Variants in LILRA5 observed in about 807,000 individuals in gnomAD.
The protein encoded by LILRA5 is leukocyte immunoglobulin-like receptor subfamily A member 5.
A neutral mutation model predicts 36.3 loss-of-function variants in LILRA5; 31 were observed. The observed-to-expected ratio is 0.85, with a 90% CI of 0.64 to 1.15. The LOEUF is 1.15. Among genes scored for constraint, LILRA5 ranks in the 50% most tolerant of loss-of-function variants. LILRA5 has a pLI of 0.00. For missense variants in LILRA5, 348 were observed against 377.4 expected (o/e 0.92, Z 0.64); for synonymous variants, 144 against 144.8 (o/e 0.99, Z 0.04).
chr19:54,307,527 T>C lies in LILRA5; in HGVS notation c.786A>G (p.Ala262=). The change falls in exon 7 of 7, where the codon GCA becomes GCG. Residue 262 remains alanine, a synonymous_variant. Transcript: ENST00000432233. ...SGTASHLQDY[A]VENLIRMGMA... Reference sequence around the variant, plus strand: ...TGCCCATGCGGATGAGATTCTCTACTGCGTAATCCTGAAGGTGTGAGGCTG... The same window carrying C: ...TGCCCATGCGGATGAGATTCTCTACCGCGTAATCCTGAAGGTGTGAGGCTG... 1 of 1,613,946 alleles carries C rather than the reference T, an allele frequency of 6.2e-7. No individual in the cohort carries two copies. The highest frequency in any genetic ancestry group is 8.5e-7 in the Non-Finnish European group (1 of 1,179,912).
At position 54,313,126 on chromosome 19, in the gene LILRA5, A is replaced by C. The variant is rs989295155; in HGVS notation, c.-107T>G. 1.6e-6 allele frequency: 2 copies of C among 1,270,054 alleles called. No homozygotes were observed. Among genetic ancestry groups the C allele is most frequent in the Admixed American group, 1.7e-5 (1 of 57,634 alleles). The allele number at this position is 1,270,054 out of a possible 1,614,324, so 78.7% of individuals were successfully genotyped here. ...CATCTGACACCTGGCTGTGTAGCCC[A>C]GGCTGAGCTGCATGTGGCAATGAGC... On this transcript the variant is annotated 5_prime_UTR_variant, in exon 1 of 7. Transcript: ENST00000432233.
rs150394735 is a variant in LILRA5 at position 54,308,904 on chromosome 19, A to T, written c.713-1156T>A. 1.8e-4 allele frequency: 27 copies of T among 152,348 alleles called. 1 individual carries two copies. In the East Asian group the frequency reaches 5.2e-3, roughly 29 times the overall value. The allele number at this position is 152,348 out of a possible 1,614,324, so 9.4% of individuals were successfully genotyped here. On this transcript the variant is annotated intron_variant, in intron 5 of 6. Coordinates refer to ENST00000432233, the MANE Select transcript of LILRA5 (RefSeq NM_021250.4). Reference sequence around the variant, plus strand: ...AGATGTAACTTATATAACCATACATAAATATGTATATATGTAAAACTTTAG... The same window carrying T: ...AGATGTAACTTATATAACCATACATTAATATGTATATATGTAAAACTTTAG...
chr19:54,307,242 CAAAAAAAAAAAA>C lies in LILRA5; in HGVS notation c.*159_*170del. ...CTGGTGACAGAGCAAGACTCCATCT[CAAAAAAAAAAAA>C]AAAAAAAAAAAAGAAAGAAAAGAAA... On this transcript the variant is annotated 3_prime_UTR_variant, in exon 7 of 7. Coordinates refer to ENST00000432233, the MANE Select transcript of LILRA5 (RefSeq NM_021250.4). 2 of 111,330 alleles carry C rather than the reference CAAAAAAAAAAAA, an allele frequency of 1.8e-5. No individual in the cohort carries two copies. The highest frequency in any genetic ancestry group is 2.0e-4 in the South Asian group (1 of 5,030). The allele number at this position is 111,330 out of a possible 1,614,324, so 6.9% of individuals were successfully genotyped here. A position where few individuals can be genotyped will look rare whatever the true frequency, so the allele number is the denominator to read the frequency against.
At chr19:54,312,311 T>C (rs1216902554) in intron 3 of LILRA5, 24 bp downstream of exon 3, 1 of 1,614,182 alleles carries the variant, frequency 6.2e-7, no homozygotes. Flanking sequence ...AGGAGGGACC[T>C]GGGACAGCTG....
intron 1 of LILRA5, 161 bp from the exon 2 acceptor site, chr19:54,312,782 C>CG: frequency 2.5e-6 from 2 of 807,076 alleles, no homozygotes; most frequent in Non-Finnish European, 4.0e-6. Flanking sequence ...AGACTACAGG[C>CG]ACCAGGCTCT....
intron 4 of LILRA5, 50 bp downstream of exon 4, chr19:54,311,814 C>G (rs560859223): frequency 7.3e-5 from 118 of 1,613,470 alleles, no homozygotes; most frequent in Admixed American, 1.8e-4. Context: ...AGAGCCGACC[C>G]CCTTCCTGAG....
In LILRA5 at chr19:54,311,972, A is replaced by G. The variant is rs761003341; in HGVS notation, c.301T>C (p.Phe101Leu). ...TGCTCTGTCATGGATGGGATGGAGA[A>G]TCTGGCCTTGTTCTTGGGCTCCAGT... Reference protein sequence around the residue: ...NPLEPKNKARFSIPSMTEHHA... With the variant: ...NPLEPKNKARLSIPSMTEHHA... Residue 101 changes from phenylalanine to leucine, a missense_variant, in exon 4 of 7, where the codon TTC becomes CTC. Phe to Leu is a conservative substitution (Grantham distance 22, BLOSUM62 0). Transcript: ENST00000432233. The G allele has an allele frequency of 4.3e-6, 7 of 1,614,026 alleles. No individual in the cohort carries two copies. Among genetic ancestry groups the G allele is most frequent in the African/African-American group, 4.0e-5 (3 of 74,922 alleles).
chr19:54,310,009 A>G, intron 5 of LILRA5: 1 of 309,612 alleles, frequency 3.2e-6, no homozygotes, highest in Non-Finnish European at 6.4e-6. Context: ...GCTTCTCTCT[A>G]AAGGAGCAGG....
rs1376220459 is a variant in LILRA5, at chr19:54,307,113, C to A, written c.*300G>T. 2 of 230,632 alleles carry A rather than the reference C, an allele frequency of 8.7e-6. No individual in the cohort carries two copies. The highest frequency in any genetic ancestry group is 7.3e-5 in the South Asian group (1 of 13,664). 14.3% of individuals were successfully genotyped at this position (230,632 alleles called of 1,614,324 possible). ...AGACCAGTGTCTCTGCACTCAAACA[C>A]CCATTCCTCCCTCTAGAAATTGCCA... On this transcript the variant is annotated 3_prime_UTR_variant, in exon 7 of 7. Transcript: ENST00000432233.
intron 5 of LILRA5, chr19:54,308,345 G>GTATATATAAATATATATATATA (rs1451914001): frequency 1.4e-5 from 1 of 73,334 alleles, no homozygotes; most frequent in Non-Finnish European, 2.9e-5. Context: ...GTATATATAT[G>GTATATATAAATATATATATATA]TATATATAAA....
intron 5 of LILRA5, chr19:54,308,990 C>T (rs953013357): frequency 1.3e-5 from 2 of 151,560 alleles, no homozygotes; most frequent in African/African-American, 2.4e-5. Context: ...AATTGATATG[C>T]GGTTTAGAAA....
Position 54,311,942 on chromosome 19 carries a change from C to A in LILRA5, c.331G>T (p.Ala111Ser), listed in dbSNP as rs1276024023. The change falls in exon 4 of 7, where the codon GCA becomes TCA. Residue 111 changes from alanine to serine, a missense_variant. Ala to Ser is a moderately conservative substitution (Grantham distance 99, BLOSUM62 1). Coordinates refer to ENST00000432233, the MANE Select transcript of LILRA5 (RefSeq NM_021250.4). ...TAGTAGTAACAGCGGTATCTCCCTGCATGGTGCTCTGTCATGGATGGGATG... is the reference window on the plus strand; with the variant it reads ...TAGTAGTAACAGCGGTATCTCCCTGAATGGTGCTCTGTCATGGATGGGATG... ...FSIPSMTEHH[A>S]GRYRCYYYSP... 1 of 1,614,078 alleles carries A rather than the reference C, an allele frequency of 6.2e-7. No individual in the cohort carries two copies. Among genetic ancestry groups the A allele is most frequent in the African/African-American group, 1.3e-5 (1 of 74,930 alleles).
rs752993936 is a variant in LILRA5, at chr19:54,311,720, G to A, written c.410-4C>T. On this transcript the variant is annotated splice_polypyrimidine_tract_variant and splice_region_variant and intron_variant, in intron 4 of 6. Transcript: ENST00000432233. ...AGGGTGGGTTTGTTGTAGAATCCTA[G>A]GAGAGAAGGAGGCACCGTGTTAAAT... The A allele has an allele frequency of 6.2e-7, 1 of 1,611,472 alleles. No homozygotes were observed. Among genetic ancestry groups the A allele is most frequent in the Admixed American group, 1.7e-5 (1 of 59,982 alleles).
Position 54,311,725 on chromosome 19 carries a change from G to C in LILRA5, c.410-9C>G, listed in dbSNP as rs764348789. The C allele has an allele frequency of 4.3e-6, 7 of 1,611,142 alleles. No homozygotes were observed. The highest frequency in any genetic ancestry group is 3.3e-5 in the South Asian group (3 of 91,062). ...GGGTTTGTTGTAGAATCCTAGGAGA[G>C]AAGGAGGCACCGTGTTAAATGGGGC... On this transcript the variant is annotated splice_polypyrimidine_tract_variant and intron_variant, in intron 4 of 6. Coordinates refer to ENST00000432233, the MANE Select transcript of LILRA5 (RefSeq NM_021250.4).
At position 54,312,098 on chromosome 19, in the gene LILRA5, G is replaced by A. The variant is rs568171861; in HGVS notation, c.175C>T (p.Arg59Trp). Residue 59 changes from arginine to tryptophan, a missense_variant, in exon 4 of 7, where the codon CGG becomes TGG. By Grantham distance (101) the Arg-to-Trp change is moderately radical. Coordinates refer to ENST00000432233, the MANE Select transcript of LILRA5 (RefSeq NM_021250.4). ...LWAEPGSVIS[R>W]GNSVTIRCQG... is the part of the protein sequence containing the mutation. The stretch of plus-strand genomic sequence containing the variant: ...CACCGGATGGTCACAGAGTTCCCCC[G>A]GCTGATCACAGAGCCTGGCTCAGCC... 79 of 1,614,094 alleles carry A rather than the reference G, an allele frequency of 4.9e-5. No homozygotes were observed. Among genetic ancestry groups the A allele is most frequent in the Admixed American group, 8.3e-5 (5 of 60,018 alleles).
chr19:54,308,346 TA>T (rs2080929721), intron 5 of LILRA5: 1 of 11,726 alleles, frequency 8.5e-5, no homozygotes, highest in Non-Finnish European at 1.5e-4. Context: ...TATATATATG[TA>T]TATATAAATA....
chr19:54,311,041 C>T (rs1343519035), intron 5 of LILRA5: 5 of 315,310 alleles, frequency 1.6e-5, no homozygotes, highest in East Asian at 1.6e-4. Context: ...CTGCAACCTC[C>T]GCCTCCCGGG....
chr19:54,311,314 C>T (rs764767573), intron 5 of LILRA5, 100 bp downstream of exon 5: 2 of 1,610,922 alleles, frequency 1.2e-6, no homozygotes, highest in Non-Finnish European at 1.7e-6. Flanking sequence ...TTCTCCTTCC[C>T]CTTTTTGTCT....
chr19:54,311,636 A>T lies in LILRA5; in HGVS notation c.490T>A (p.Ser164Thr). ...ATGAACCTGTCGAATCTCAGCCGTG[A>T]GCCACACTGGAGGGTCACGTTCTCT... ...SGENVTLQCG[S>T]RLRFDRFILT... is the part of the protein sequence containing the mutation. The change falls in exon 5 of 7, where the codon TCA (serine) becomes ACA (threonine). Residue 164 changes from serine to threonine, a missense_variant. Transcript: ENST00000432233. 1 of 1,614,176 alleles carries T rather than the reference A, an allele frequency of 6.2e-7. No individual in the cohort carries two copies. Among genetic ancestry groups the T allele is most frequent in the African/African-American group, 1.3e-5 (1 of 75,024 alleles).
Sources: gnomAD v4.1 joint callset for allele counts on GRCh38, gnomAD v4.1.1 for gene constraint, MANE v1.5 for transcripts, NCBI Gene and HGNC (gene_info 2026-07-23, HGNC 2026-07-21) for gene names.